Variants in PTPRD observed in about 807,000 individuals in gnomAD.
PTPRD encodes the protein protein tyrosine phosphatase receptor type D, also known as receptor-type tyrosine-protein phosphatase delta.
Under a neutral mutation model 214.5 loss-of-function variants are expected in PTPRD, and 34 were observed. That is an observed-to-expected ratio of 0.16 (90% CI 0.12 to 0.21). PTPRD has a LOEUF of 0.21. PTPRD is among the 10% of genes least tolerant of loss of function. The pLI, the probability that PTPRD is intolerant of heterozygous loss-of-function variation, is 1.00. For synonymous variants in PTPRD, 1,128 were observed against 845.7 expected, an observed-to-expected ratio of 1.33 and a Z score of -5.79; for missense variants, 2,545 against 2,398.7, an observed-to-expected ratio of 1.06 and a Z score of -1.27.
intron 12 of PTPRD, among the ~76,000 whole-genome samples, chr9:8,677,746 TAGCAAA>T (rs1384783361): frequency 5.9e-5 from 9 of 152,222 alleles, no homozygotes; most frequent in Non-Finnish European, 1.3e-4. Context: ...ACCACTTTAA[TAGCAAA>T]ATGTCTGATT....
chr9:9,187,384 C>T (rs535951106), intron 9 of PTPRD, among the ~76,000 whole-genome samples: 1 of 152,054 alleles, frequency 6.6e-6, no homozygotes, highest in African/African-American at 2.4e-5. Context: ...CCTTAAACAC[C>T]AGGTAAGTAA....
chr9:10,368,681 G>C (rs1036724835), intron 2 of PTPRD, among the ~76,000 whole-genome samples: 1 of 151,944 alleles, frequency 6.6e-6, no homozygotes, highest in Admixed American at 6.6e-5. Flanking sequence ...TTATGGGAAG[G>C]AACTAAAAAG....
At chr9:10,572,944 T>C (rs1188025807) in intron 2 of PTPRD, among the ~76,000 whole-genome samples, 2 of 152,136 alleles carry the variant, frequency 1.3e-5, no homozygotes, top group East Asian at 1.9e-4. Flanking sequence ...ATAGCATGTG[T>C]GCAGAAAATT....
At chr9:8,368,852 A>G (rs768165379) in intron 39 of PTPRD, among the ~76,000 whole-genome samples, 3 of 152,106 alleles carry the variant, frequency 2.0e-5, no homozygotes, top group Non-Finnish European at 4.4e-5. Context: ...GGTGTATGAA[A>G]ACAGAATCTG....
At position 8,504,356 on chromosome 9, in the gene PTPRD, T is replaced by G. The variant is rs372682523; in HGVS notation, c.1727A>C (p.Lys576Thr). The change falls in exon 23 of 46, where the codon AAA (lysine) becomes ACA (threonine). Residue 576 changes from lysine (K) to threonine (T), a missense_variant. Physicochemically the swap from Lys to Thr is moderately conservative, Grantham distance 78. Transcript: ENST00000381196. ...PGTSYRLQGL[K>T]PNSLYYFRLA... Reference sequence around the variant, plus strand: ...ACGGAAATAGTATAAGCTGTTTGGTTTCAGTCCTTGCAGCCTATATGATGT... The same window carrying G: ...ACGGAAATAGTATAAGCTGTTTGGTGTCAGTCCTTGCAGCCTATATGATGT... The G allele has an allele frequency of 6.2e-7, 1 of 1,614,184 alleles. No individual in the cohort carries two copies. Among genetic ancestry groups the G allele is most frequent in the Non-Finnish European group, 8.5e-7 (1 of 1,180,006 alleles).
At chr9:9,248,142 G>T (rs1024479921) in intron 9 of PTPRD, among the ~76,000 whole-genome samples, 4 of 151,792 alleles carry the variant, frequency 2.6e-5, no homozygotes, top group Non-Finnish European at 5.9e-5. Flanking sequence ...ACCCAGGTTG[G>T]CATGCAGTGG....
chr9:9,659,702 A>C (rs2096586821), intron 7 of PTPRD, among the ~76,000 whole-genome samples: 2 of 152,122 alleles, frequency 1.3e-5, no homozygotes, highest in South Asian at 4.1e-4. Context: ...CTAAAAGGGA[A>C]AATTATTACT....
chr9:10,228,136 A>C (rs1313171424), intron 3 of PTPRD, among the ~76,000 whole-genome samples: 4 of 125,370 alleles, frequency 3.2e-5, no homozygotes, highest in Non-Finnish European at 3.6e-5. Flanking sequence ...AAATATCCAA[A>C]GTTCTAGATA....
At chr9:10,121,513 G>A (rs896391732) in intron 3 of PTPRD, among the ~76,000 whole-genome samples, 9 of 152,158 alleles carry the variant, frequency 5.9e-5, no homozygotes, top group Non-Finnish European at 1.0e-4. Context: ...GCAATATAAC[G>A]TCAACAAAAA....
At chr9:10,430,580 G>C (rs574678577) in intron 2 of PTPRD, among the ~76,000 whole-genome samples, 1 of 151,866 alleles carries the variant, frequency 6.6e-6, no homozygotes, top group Non-Finnish European at 1.5e-5. Context: ...TTTTGATTTA[G>C]TCTCTTATAT....
intron 3 of PTPRD, among the ~76,000 whole-genome samples, chr9:10,178,974 T>C (rs574483575): frequency 7.0e-4 from 106 of 151,196 alleles, no homozygotes; most frequent in South Asian, 1.7e-3. Context: ...AATACTTTTC[T>C]AGAATTAAAA....
chr9:10,239,711 A>AT lies in PTPRD; in HGVS notation c.-545+101251dup, dbSNP rs397965827. On this transcript the variant is annotated intron_variant, in intron 3 of 45. Transcript: ENST00000381196. ...TGATAACTACTGAATCCAGAAAAAA[A>AT]TGACAATAATGATAATGTTATGAAT... Among the ~76,000 whole-genome samples, 32 of 151,444 alleles carry AT rather than the reference A, an allele frequency of 2.1e-4. No individual in the cohort carries two copies. In the East Asian group the frequency reaches 6.1e-3, roughly 29 times the overall value.
intron 9 of PTPRD, among the ~76,000 whole-genome samples, chr9:9,275,392 T>C (rs538416391): frequency 6.7e-6 from 1 of 149,810 alleles, no homozygotes; most frequent in East Asian, 2.0e-4. Context: ...TCCCTCAAAA[T>C]GGCTCAGAGT....
chr9:10,092,445 A>C (rs2098441670), intron 3 of PTPRD, among the ~76,000 whole-genome samples: 1 of 151,448 alleles, frequency 6.6e-6, no homozygotes, highest in African/African-American at 2.4e-5. Flanking sequence ...TGCTGAGAAA[A>C]TTTGGAAATG....
At chr9:10,584,069 C>T (rs1237098596) in intron 2 of PTPRD, among the ~76,000 whole-genome samples, 2 of 151,906 alleles carry the variant, frequency 1.3e-5, no homozygotes, top group Non-Finnish European at 2.9e-5. Flanking sequence ...TTAGAAATGT[C>T]TTTCTCACAT....
intron 38 of PTPRD, 135 bp from the exon 39 acceptor site, chr9:8,376,225 A>G (rs1237052914): frequency 2.9e-6 from 3 of 1,042,578 alleles, no homozygotes; most frequent in Non-Finnish European, 4.1e-6. Context: ...GGGAAGACAC[A>G]CTCTTTGGAA....
chr9:9,007,956 G>T (rs1182135644), intron 11 of PTPRD, among the ~76,000 whole-genome samples: 1 of 35,094 alleles, frequency 2.8e-5, no homozygotes, highest in East Asian at 5.7e-4. Flanking sequence ...AAGTTTTAGG[G>T]TACGTGTGCA....
chr9:9,806,842 G>C (rs1464839186), intron 5 of PTPRD, among the ~76,000 whole-genome samples: 11 of 152,048 alleles, frequency 7.2e-5, no homozygotes, highest in South Asian at 6.2e-4. Flanking sequence ...ACACTGAACA[G>C]GTAAGAGAAA....
intron 11 of PTPRD, among the ~76,000 whole-genome samples, chr9:8,749,629 G>C (rs1389704321): frequency 6.6e-6 from 1 of 152,086 alleles, no homozygotes; most frequent in Non-Finnish European, 1.5e-5. Flanking sequence ...CTGTTGTTTG[G>C]GATTTTCAGA....
Sources: gnomAD v4.1 joint callset for allele counts (sites outside exome capture counted in the v4.1 genomes callset) on GRCh38, gnomAD v4.1.1 for gene constraint, MANE v1.5 for transcripts, NCBI Gene and HGNC (gene_info 2026-07-23, HGNC 2026-07-21) for gene names.